Variants in PRKG2 observed in about 807,000 individuals in gnomAD.
The protein encoded by PRKG2 is cGMP-dependent protein kinase 2.
PRKG2 carries 33 observed loss-of-function variants against 97.2 expected under a neutral mutation model. That is an observed-to-expected ratio of 0.34 (90% CI 0.26 to 0.45). The LOEUF is 0.45. Among genes scored for constraint, PRKG2 ranks in the 20% least tolerant of loss-of-function variants. The pLI is 1.00. For missense variants in PRKG2, 638 were observed against 900.0 expected (o/e 0.71, Z 3.73); for synonymous variants, 330 against 321.8 (o/e 1.03, Z -0.27).
chr4:81,129,734 CAT>C lies in PRKG2; in HGVS notation c.1776+5419_1776+5420del, dbSNP rs1179401518. 2.6e-5 allele frequency among the ~76,000 whole-genome samples: 4 copies of C among 152,128 alleles called. No individual in the cohort carries two copies. The East Asian group carries it at 7.7e-4, about 29-fold the overall frequency. On this transcript the variant is annotated intron_variant, in intron 14 of 18. Transcript: ENST00000264399. ...TTTTGAGCCTATGTGTGTCTTTGCA[CAT>C]GAGACGGTTCTCCTGAAAACAGCAC...
intron 17 of PRKG2, 63 bp downstream of exon 17, chr4:81,104,307 T>G: frequency 7.9e-7 from 1 of 1,265,430 alleles, no homozygotes; most frequent in Non-Finnish European, 1.1e-6. Context: ...AGAGAAGCTT[T>G]TGCAAGTACC....
At chr4:81,183,126 A>G (rs992207798) in intron 2 of PRKG2, among the ~76,000 whole-genome samples, 3 of 152,196 alleles carry the variant, frequency 2.0e-5, no homozygotes, top group African/African-American at 7.2e-5. Flanking sequence ...AAAAATTATG[A>G]TGAATGAAAA....
At chr4:81,184,234 C>T (rs1466156748) in intron 2 of PRKG2, among the ~76,000 whole-genome samples, 2 of 152,168 alleles carry the variant, frequency 1.3e-5, no homozygotes, top group African/African-American at 4.8e-5. Context: ...ACAGACACCT[C>T]ATACAGGAGA....
At chr4:81,137,524 G>C (rs373581036) in intron 12 of PRKG2, 42 bp from the exon 13 acceptor site, 42 of 1,500,846 alleles carry the variant, frequency 2.8e-5, no homozygotes, top group Non-Finnish European at 3.7e-5. Flanking sequence ...TGGAAATCTA[G>C]TTTAAAAACC....
intron 14 of PRKG2, among the ~76,000 whole-genome samples, chr4:81,118,117 T>A (rs1744731235): frequency 6.6e-6 from 1 of 152,238 alleles, no homozygotes; most frequent in South Asian, 2.1e-4. Flanking sequence ...TGGATTGGCT[T>A]TTTTCACTTA....
chr4:81,179,419 TC>T (rs1357007647), intron 2 of PRKG2, among the ~76,000 whole-genome samples: 2 of 152,172 alleles, frequency 1.3e-5, no homozygotes, highest in East Asian at 3.9e-4. Context: ...TATTTCAATA[TC>T]TTTACCCAGT....
intron 2 of PRKG2, among the ~76,000 whole-genome samples, chr4:81,189,063 T>TAAAAAAAAAAAAAAAAAA (rs1401411435): frequency 1.6e-4 from 1 of 6,418 alleles, no homozygotes; most frequent in Non-Finnish European, 2.7e-4. Flanking sequence ...TTAAAAAAAA[T>TAAAAAAAAAAAAAAAAAA]AATAAAAAAA....
At chr4:81,152,236 G>A (rs751080242) in intron 7 of PRKG2, among the ~76,000 whole-genome samples, 182 bp from the exon 8 acceptor site, 1 of 152,094 alleles carries the variant, frequency 6.6e-6, no homozygotes, top group Non-Finnish European at 1.5e-5. Flanking sequence ...TGATGGATGT[G>A]GGAAGTCCTA....
Position 81,169,791 on chromosome 4 carries a change from A to G in PRKG2, c.743-23T>C, listed in dbSNP as rs773497965. On this transcript the variant is annotated intron_variant, in intron 4 of 18. Transcript: ENST00000264399. The stretch of plus-strand genomic sequence containing the variant: ...TAGCTTTAGAAAATTCAAGAAAACA[A>G]TAAAACACTTAGTACAACATTGTGA... The G allele has an allele frequency of 3.4e-6, 5 of 1,453,064 alleles. No homozygotes were observed. The Admixed American group carries it at 7.4e-5, about 21-fold the overall frequency. 90.0% of individuals were successfully genotyped at this position (1,453,064 alleles called of 1,614,324 possible).
chr4:81,105,356 A>AT (rs1743219218), intron 16 of PRKG2, among the ~76,000 whole-genome samples: 5 of 151,854 alleles, frequency 3.3e-5, no homozygotes. Flanking sequence ...ATGTGTTCAA[A>AT]TTTTTTAGCT....
chr4:81,159,341 A>C lies in PRKG2; in HGVS notation c.913-5620T>G, dbSNP rs1578443647. 3.3e-5 allele frequency among the ~76,000 whole-genome samples: 5 copies of C among 152,266 alleles called. No individual in the cohort carries two copies. In the South Asian group the frequency reaches 1.0e-3, roughly 31 times the overall value. On this transcript the variant is annotated intron_variant, in intron 6 of 18. Coordinates refer to ENST00000264399, the MANE Select transcript of PRKG2 (RefSeq NM_006259.3). ...CTCAAAAGAAGACATTTATGCAGCC[A>C]AAAGACACATGAAAAAATGCTCATC...
At chr4:81,211,411 C>A (rs1753965606) in intron 1 of PRKG2, among the ~76,000 whole-genome samples, 1 of 152,084 alleles carries the variant, frequency 6.6e-6, no homozygotes, top group Middle Eastern at 3.2e-3. Context: ...AAGCTGATAG[C>A]ACAGTCAAGG....
intron 1 of PRKG2, among the ~76,000 whole-genome samples, chr4:81,212,140 G>A (rs766399798): frequency 7.2e-5 from 11 of 152,082 alleles, no homozygotes; most frequent in African/African-American, 2.7e-4. Context: ...CTGTTGACCC[G>A]GGGCTCAGTT....
intron 2 of PRKG2, among the ~76,000 whole-genome samples, chr4:81,196,168 G>C (rs1752949284): frequency 1.3e-5 from 2 of 152,174 alleles, no homozygotes; most frequent in Non-Finnish European, 2.9e-5. Context: ...CAAGAAAATG[G>C]GGACCTCAGC....
chr4:81,118,071 G>A (rs149823622), intron 14 of PRKG2, among the ~76,000 whole-genome samples: 1 of 152,270 alleles, frequency 6.6e-6, no homozygotes, highest in African/African-American at 2.4e-5. Context: ...TTTACAAAAT[G>A]TCATTTAGTT....
intron 6 of PRKG2, among the ~76,000 whole-genome samples, chr4:81,156,237 C>T (rs2110065853): frequency 6.6e-6 from 1 of 152,224 alleles, no homozygotes; most frequent in Middle Eastern, 3.4e-3. Flanking sequence ...GGAGGAAGAT[C>T]TACCAAGCAA....
rs1741650743 is a variant in PRKG2, at chr4:81,092,465, A to AAAGGAAAGAAGG, written c.2127-14_2127-13insCCTTCTTTCCTT. ...ACCATTTAACCACCTGAGAAATGAGAAAGGAAGGAAGGAAGGAAGGAAGGA... is the reference window on the plus strand; with the variant it reads ...ACCATTTAACCACCTGAGAAATGAGAAAGGAAAGAAGGAAGGAAGGAAGGAAGGAAGGAAGGA... On this transcript the variant is annotated splice_polypyrimidine_tract_variant and intron_variant, in intron 17 of 18. Transcript: ENST00000264399. 1 of 906,984 alleles carries AAAGGAAAGAAGG rather than the reference A, an allele frequency of 1.1e-6. No individual in the cohort carries two copies. The allele number at this position is 906,984 out of a possible 1,614,324, so 56.2% of individuals were successfully genotyped here.
At position 81,169,649 on chromosome 4, in the gene PRKG2, T is replaced by C. The variant is rs1409855712; in HGVS notation, c.848+14A>G. ...CTCCACTGTCTTCACTGTCTCCCAA[T>C]GTATTATTCTTACCTTCTGAGGAAG... On this transcript the variant is annotated intron_variant, in intron 5 of 18. Coordinates refer to ENST00000264399, the MANE Select transcript of PRKG2 (RefSeq NM_006259.3). 6.5e-7 allele frequency: 1 copy of C among 1,532,032 alleles called. No individual in the cohort carries two copies. The highest frequency in any genetic ancestry group is 2.3e-5 in the East Asian group (1 of 44,120). The allele number at this position is 1,532,032 out of a possible 1,614,324, so 94.9% of individuals were successfully genotyped here.
intron 14 of PRKG2, among the ~76,000 whole-genome samples, chr4:81,123,689 C>A (rs1388421481): frequency 6.6e-6 from 1 of 152,208 alleles, no homozygotes; most frequent in African/African-American, 2.4e-5. Flanking sequence ...CAGGCTTGAG[C>A]CATTGCACCT....
Sources: allele counts gnomAD v4.1 joint callset (sites outside exome capture counted in the v4.1 genomes callset), GRCh38; gene constraint gnomAD v4.1.1; transcripts MANE v1.5; gene names NCBI Gene and HGNC (gene_info 2026-07-23, HGNC 2026-07-21).